The following EYS variants were observed in gnomAD, a reference collection of about 807,000 sequenced individuals.
EYS encodes protein eyes shut homolog.
In EYS, 250 loss-of-function variants were observed where a neutral mutation model predicts 282.1. That is an observed-to-expected ratio of 0.89 (90% CI 0.80 to 0.98). The LOEUF is 0.98. Among genes scored for constraint, EYS ranks in the 50% least tolerant of loss-of-function variants. EYS has a pLI of 0.00. For missense variants in EYS, 4,016 were observed against 3,709.0 expected, an observed-to-expected ratio of 1.08 and a Z score of -2.15; for synonymous variants, 1,355 against 1,282.9, an observed-to-expected ratio of 1.06 and a Z score of -1.20.
intron 35 of EYS, among the ~76,000 whole-genome samples, chr6:63,958,690 G>C (rs1765924484): frequency 6.6e-6 from 1 of 152,182 alleles, no homozygotes; most frequent in South Asian, 2.1e-4. Context: ...TCAAAGGACA[G>C]GCTGACTCTC....
chr6:65,428,635 G>A (rs1767754996), intron 5 of EYS, among the ~76,000 whole-genome samples: 1 of 151,730 alleles, frequency 6.6e-6, no homozygotes, highest in South Asian at 2.1e-4. Context: ...TGACCACTTC[G>A]ACGCATAAAA....
intron 36 of EYS, among the ~76,000 whole-genome samples, chr6:63,838,528 A>T (rs867694171): frequency 1.8e-4 from 28 of 152,092 alleles, no homozygotes; most frequent in African/African-American, 6.5e-4. Context: ...GGCCCTGTAT[A>T]TGTGGTGATA....
At chr6:64,656,031 G>A (rs1427350974) in intron 22 of EYS, among the ~76,000 whole-genome samples, 1 of 152,000 alleles carries the variant, frequency 6.6e-6, no homozygotes, top group African/African-American at 2.4e-5. Context: ...TCACTTTTAT[G>A]TTTGCTTCTA....
chr6:65,341,061 C>T (rs945282419), intron 10 of EYS, among the ~76,000 whole-genome samples: 7 of 151,126 alleles, frequency 4.6e-5, no homozygotes, highest in African/African-American at 1.7e-4. Flanking sequence ...GAAAACTCTC[C>T]GTCTTCATCA....
chr6:65,301,792 G>A, intron 11 of EYS, among the ~76,000 whole-genome samples: 1 of 152,212 alleles, frequency 6.6e-6, no homozygotes, highest in Non-Finnish European at 1.5e-5. Context: ...TCCCATAATT[G>A]GTGCGGATTC....
At chr6:64,056,203 A>C (rs1326876629) in intron 33 of EYS, among the ~76,000 whole-genome samples, 2 of 152,178 alleles carry the variant, frequency 1.3e-5, no homozygotes, top group Non-Finnish European at 2.9e-5. Context: ...TTGTGCATGC[A>C]AATCTCCATG....
At chr6:64,649,305 T>TC (rs11388059) in intron 22 of EYS, among the ~76,000 whole-genome samples, 97,044 of 151,756 alleles carry the variant, frequency 0.64, 31,260 homozygotes, top group African/African-American at 0.71. Context: ...ATAATATGCT[T>TC]ACATATAATA....
intron 33 of EYS, among the ~76,000 whole-genome samples, chr6:64,014,172 A>G (rs562712419): frequency 6.6e-6 from 1 of 152,198 alleles, no homozygotes; most frequent in Non-Finnish European, 1.5e-5. Context: ...GTATGGAAAA[A>G]CTCAATTAGG....
In EYS at chr6:63,928,542, G is replaced by A. The variant is rs912179700; in HGVS notation, c.7055+55841C>T. Among the ~76,000 whole-genome samples the A allele has an allele frequency of 4.2e-3, 632 of 152,228 alleles. 3 individuals carry two copies. The highest frequency in any genetic ancestry group is 0.014 in the African/African-American group (576 of 41,536). The stretch of plus-strand genomic sequence containing the variant: ...CTTTTGACTGTGTGTGTGTGTGTGT[G>A]TGTGTGTGTGCGTGTGCGCATGCGT... On this transcript the variant is annotated intron_variant, in intron 35 of 42. Transcript: ENST00000503581.
At chr6:65,399,307 TC>T (rs1487025047) in intron 7 of EYS, among the ~76,000 whole-genome samples, 5 of 152,012 alleles carry the variant, frequency 3.3e-5, no homozygotes, top group Admixed American at 3.3e-4. Context: ...ATATAAATAT[TC>T]TTTAAATTAA....
At chr6:63,799,657 G>C (rs1170928362) in intron 37 of EYS, among the ~76,000 whole-genome samples, 1 of 152,192 alleles carries the variant, frequency 6.6e-6, no homozygotes, top group Admixed American at 6.5e-5. Flanking sequence ...ACAAGATTAA[G>C]ATTATGAAAT....
chr6:64,672,066 A>T (rs901871780), intron 22 of EYS, among the ~76,000 whole-genome samples: 3 of 152,194 alleles, frequency 2.0e-5, no homozygotes, highest in Admixed American at 6.5e-5. Flanking sequence ...GTTTTAGATC[A>T]TACCTAGATA....
At position 64,296,397 on chromosome 6, in the gene EYS, CTG is replaced by C. The variant is rs377190239; in HGVS notation, c.6191+10571_6191+10572del. On this transcript the variant is annotated intron_variant, in intron 30 of 42. Coordinates refer to ENST00000503581, the MANE Select transcript of EYS (RefSeq NM_001142800.2). Reference sequence around the variant, plus strand: ...TTTTATTTGTTTTGGAAAAGTAAAACTGTTTTTCATAAAACATGCTATGCTAT... The same window carrying C: ...TTTTATTTGTTTTGGAAAAGTAAAACTTTTTCATAAAACATGCTATGCTAT... Among the ~76,000 whole-genome samples, 935 of 152,012 alleles carry C rather than the reference CTG, an allele frequency of 6.2e-3. 8 individuals carry two copies. Among genetic ancestry groups the C allele is most frequent in the African/African-American group, 0.021 (890 of 41,498 alleles).
At chr6:63,780,114 A>G (rs1770176837) in intron 39 of EYS, among the ~76,000 whole-genome samples, 1 of 152,166 alleles carries the variant, frequency 6.6e-6, no homozygotes, top group Non-Finnish European at 1.5e-5. Context: ...TCCATGGTGT[A>G]TATGTGCCAC....
intron 26 of EYS, among the ~76,000 whole-genome samples, chr6:64,467,880 A>G (rs918761548): frequency 2.0e-5 from 3 of 152,102 alleles, no homozygotes; most frequent in African/African-American, 7.2e-5. Flanking sequence ...TATGCCACTC[A>G]AGGGGTTTGG....
chr6:64,015,664 G>A (rs1428071276), intron 33 of EYS, among the ~76,000 whole-genome samples: 1 of 152,160 alleles, frequency 6.6e-6, no homozygotes, highest in African/African-American at 2.4e-5. Flanking sequence ...GTGATGGTGA[G>A]GTGAAGGTGA....
At chr6:65,044,093 A>G (rs1773025509) in intron 13 of EYS, among the ~76,000 whole-genome samples, 1 of 151,574 alleles carries the variant, frequency 6.6e-6, no homozygotes, top group African/African-American at 2.4e-5. Flanking sequence ...GAGTAAAGTG[A>G]TATTTCGTTG....
At chr6:64,105,191 T>C (rs999504460) in intron 31 of EYS, among the ~76,000 whole-genome samples, 5 of 152,058 alleles carry the variant, frequency 3.3e-5, no homozygotes, top group African/African-American at 1.2e-4. Flanking sequence ...TCCTACCCAC[T>C]CTATGGAAGA....
At chr6:64,314,217 A>AAAAAAAC in intron 29 of EYS, among the ~76,000 whole-genome samples, 2 of 150,170 alleles carry the variant, frequency 1.3e-5, no homozygotes, top group Admixed American at 6.6e-5. Context: ...AAAAAAAAAA[A>AAAAAAAC]AGCAGGGGTT....
Sources: gnomAD v4.1 joint callset for allele counts (sites outside exome capture counted in the v4.1 genomes callset) on GRCh38, gnomAD v4.1.1 for gene constraint, MANE v1.5 for transcripts, NCBI Gene and HGNC (gene_info 2026-07-23, HGNC 2026-07-21) for gene names.